The following GABRG3 variants were observed in gnomAD, a reference collection of about 807,000 sequenced individuals.
The protein encoded by GABRG3 is gamma-aminobutyric acid type A receptor subunit gamma3, also known as gamma-aminobutyric acid receptor subunit gamma-3.
In GABRG3, 25 loss-of-function variants were observed where a neutral mutation model predicts 48.8. The ratio of observed to expected loss-of-function variants is 0.51; its 90% CI spans 0.37 to 0.72. The LOEUF is 0.72. GABRG3 is among the 30% of genes least tolerant of loss of function. The probability of loss-of-function intolerance (pLI) is 0.00; values close to 1 mark genes in which losing one functional copy is unlikely to be tolerated. For synonymous variants in GABRG3, 227 were observed against 217.6 expected, an observed-to-expected ratio of 1.04 and a Z score of -0.38; for missense variants, 394 against 577.9, an observed-to-expected ratio of 0.68 and a Z score of 3.26.
chr15:27,088,057 TGTGTG>T (rs1218134585), intron 3 of GABRG3, among the ~76,000 whole-genome samples: 1 of 150,878 alleles, frequency 6.6e-6, no homozygotes, highest in South Asian at 2.1e-4. Flanking sequence ...GTGGTGTTTG[TGTGTG>T]GTGTGCTGCA....
chr15:27,258,146 T>C (rs937706623), intron 3 of GABRG3, among the ~76,000 whole-genome samples: 1 of 151,806 alleles, frequency 6.6e-6, no homozygotes, highest in Non-Finnish European at 1.5e-5. Context: ...TAAGGGAAAA[T>C]TGCAATTTCT....
intron 3 of GABRG3, among the ~76,000 whole-genome samples, chr15:27,049,407 A>G (rs1430643241): frequency 6.6e-6 from 1 of 152,120 alleles, no homozygotes; most frequent in African/African-American, 2.4e-5. Flanking sequence ...TGTGCTTCAC[A>G]CTGTTTGTAT....
At chr15:27,041,745 A>G (rs1896280166) in intron 3 of GABRG3, among the ~76,000 whole-genome samples, 1 of 152,136 alleles carries the variant, frequency 6.6e-6, no homozygotes. Context: ...TGGTCACCAG[A>G]TGTGTTGGCC....
chr15:27,111,685 C>G (rs541363448), intron 3 of GABRG3, among the ~76,000 whole-genome samples: 1 of 152,088 alleles, frequency 6.6e-6, no homozygotes, highest in Non-Finnish European at 1.5e-5. Context: ...TCAGCTGTAA[C>G]CCGCTGCTAT....
intron 9 of GABRG3, among the ~76,000 whole-genome samples, chr15:27,530,089 G>A (rs573280120): frequency 1.1e-4 from 16 of 152,228 alleles, no homozygotes; most frequent in South Asian, 8.3e-4. Context: ...AGGAGCCACC[G>A]TTACCAATAG....
chr15:27,534,050 C>CG lies in GABRG3; in HGVS notation c.*1173dup, dbSNP rs1345219396. ...GTTTTTTGGGTTTTTTTAGTAGAGA[C>CG]GGGGTTTCACCATGTTGGCCTGGCT... is the stretch of plus-strand genomic sequence containing the variant. On this transcript the variant is annotated 3_prime_UTR_variant, in exon 10 of 10. Coordinates refer to ENST00000615808, the MANE Select transcript of GABRG3 (RefSeq NM_033223.5). 6.6e-6 allele frequency: 1 copy of CG among 151,434 alleles called. No individual in the cohort carries two copies. Among genetic ancestry groups the CG allele is most frequent in the Non-Finnish European group, 1.5e-5 (1 of 67,912 alleles). 9.4% of individuals were successfully genotyped at this position (151,434 alleles called of 1,614,324 possible).
intron 5 of GABRG3, among the ~76,000 whole-genome samples, chr15:27,362,110 A>G (rs922207845): frequency 2.0e-5 from 3 of 152,222 alleles, no homozygotes; most frequent in Non-Finnish European, 4.4e-5. Flanking sequence ...ATTTGTTCGC[A>G]TGAATTTCTT....
intron 3 of GABRG3, among the ~76,000 whole-genome samples, chr15:27,249,236 G>A (rs571697723): frequency 1.2e-4 from 18 of 152,254 alleles, no homozygotes; most frequent in Admixed American, 2.6e-4. Context: ...CTGCTCCTCC[G>A]CGTGGCCAGG....
intron 3 of GABRG3, among the ~76,000 whole-genome samples, chr15:27,217,889 T>C (rs1298891333): frequency 6.6e-6 from 1 of 152,132 alleles, no homozygotes; most frequent in Non-Finnish European, 1.5e-5. Flanking sequence ...TGCCTCTCCC[T>C]GAGCTGGTTA....
At chr15:27,421,907 T>C (rs1287178178) in intron 5 of GABRG3, among the ~76,000 whole-genome samples, 1 of 145,430 alleles carries the variant, frequency 6.9e-6, no homozygotes, top group Non-Finnish European at 1.5e-5. Context: ...TGTTCTAAGA[T>C]ATCCATGGGA....
rs1056104969 is a variant in GABRG3, at chr15:27,306,149, T to A, written c.271-20660T>A. ...CTATATGTTTATATATAAACATATA[T>A]AATATAAACCTATATGTTTATATAT... On this transcript the variant is annotated intron_variant, in intron 3 of 9. Coordinates refer to ENST00000615808, the MANE Select transcript of GABRG3 (RefSeq NM_033223.5). Among the ~76,000 whole-genome samples the A allele has an allele frequency of 2.3e-5, 3 of 127,898 alleles. No homozygotes were observed. In the East Asian group the frequency reaches 7.0e-4, roughly 30 times the overall value. The allele number at this position is 127,898 out of a possible 152,430, so 83.9% of individuals were successfully genotyped here. A position where few individuals can be genotyped will look rare whatever the true frequency, so the allele number is the denominator to read the frequency against.
At chr15:27,307,006 G>GAA (rs1566769766) in intron 3 of GABRG3, among the ~76,000 whole-genome samples, 38 of 78,550 alleles carry the variant, frequency 4.8e-4, no homozygotes, top group African/African-American at 8.5e-4. Context: ...ATATAAACAT[G>GAA]TATAAACATG....
Position 27,199,389 on chromosome 15 carries a change from T to C in GABRG3, c.271-127420T>C, listed in dbSNP as rs576227709. ...TTGATGGAGTATGAGCGAAAGAGAA[T>C]GTGTTCCCCACTGGGAGGGTGAGGA... On this transcript the variant is annotated intron_variant, in intron 3 of 9. Transcript: ENST00000615808. Among the ~76,000 whole-genome samples, 7 of 152,224 alleles carry C rather than the reference T, an allele frequency of 4.6e-5. No individual in the cohort carries two copies. In the East Asian group the frequency reaches 1.4e-3, roughly 29 times the overall value.
In GABRG3 at chr15:27,527,858, G is replaced by T. The variant is rs138991657; in HGVS notation, c.1063-75G>T. ...TGGCTTGGTTTAGTCATACCCTAAAGATTGCTCTTAAGAGTGATCTTGGAT... is the reference window on the plus strand; with the variant it reads ...TGGCTTGGTTTAGTCATACCCTAAATATTGCTCTTAAGAGTGATCTTGGAT... On this transcript the variant is annotated intron_variant, in intron 8 of 9. Transcript: ENST00000615808. 8 of 1,260,950 alleles carry T rather than the reference G, an allele frequency of 6.3e-6. No homozygotes were observed. In the African/African-American group the frequency reaches 8.9e-5, roughly 14 times the overall value. The allele number at this position is 1,260,950 out of a possible 1,614,324, so 78.1% of individuals were successfully genotyped here. A position where few individuals can be genotyped will look rare whatever the true frequency, so the allele number is the denominator to read the frequency against.
At chr15:27,288,862 A>C (rs1891707389) in intron 3 of GABRG3, among the ~76,000 whole-genome samples, 1 of 152,216 alleles carries the variant, frequency 6.6e-6, no homozygotes, top group Admixed American at 6.5e-5. Context: ...CCTGTAGTGC[A>C]AGTCTCTTGG....
In GABRG3 at chr15:27,112,444, T is replaced by TTG. The variant is rs968829559; in HGVS notation, c.270+85624_270+85625insGT. The stretch of plus-strand genomic sequence containing the variant: ...TTCAGCATTTACTTATTTCATTGAT[T>TTG]TTTTTTTTTTTTTGGTATGGGGTCT... On this transcript the variant is annotated intron_variant, in intron 3 of 9. Transcript: ENST00000615808. Among the ~76,000 whole-genome samples, 9 of 148,340 alleles carry TTG rather than the reference T, an allele frequency of 6.1e-5. 1 individual carries two copies. The highest frequency in any genetic ancestry group is 3.4e-4 in the Admixed American group (5 of 14,832).
intron 1 of GABRG3, among the ~76,000 whole-genome samples, chr15:26,971,905 C>A (rs1175029959): frequency 6.6e-6 from 1 of 152,048 alleles, no homozygotes; most frequent in East Asian, 1.9e-4. Flanking sequence ...GGCTCCTTAC[C>A]GACCCCTAAT....
intron 3 of GABRG3, among the ~76,000 whole-genome samples, chr15:27,256,263 A>G (rs1404789603): frequency 1.3e-5 from 2 of 151,536 alleles, no homozygotes; most frequent in African/African-American, 4.8e-5. Flanking sequence ...TAACATGGTG[A>G]AACCCGTCTC....
Position 27,327,044 on chromosome 15 carries a change from C to T in GABRG3, c.491+15C>T, listed in dbSNP as rs772192519. The T allele has an allele frequency of 2.3e-5, 37 of 1,597,910 alleles. No homozygotes were observed. The highest frequency in any genetic ancestry group is 5.6e-5 in the South Asian group (5 of 90,012). ...TACACTTTGAGGTAAGATGCTGCATCGATCTTTGATTACTCCTGGTTTAAA... is the reference window on the plus strand; with the variant it reads ...TACACTTTGAGGTAAGATGCTGCATTGATCTTTGATTACTCCTGGTTTAAA... On this transcript the variant is annotated intron_variant, in intron 4 of 9. Coordinates refer to ENST00000615808, the MANE Select transcript of GABRG3 (RefSeq NM_033223.5).
Sources: allele counts gnomAD v4.1 joint callset (sites outside exome capture counted in the v4.1 genomes callset), GRCh38; gene constraint gnomAD v4.1.1; transcripts MANE v1.5; gene names NCBI Gene and HGNC (gene_info 2026-07-23, HGNC 2026-07-21).